IQCH: variants seen among roughly 807,000 people sequenced by gnomAD.
IQCH encodes IQ motif containing H.
Under a neutral mutation model 117.0 loss-of-function variants are expected in IQCH, and 98 were observed. That is an observed-to-expected ratio of 0.84 (90% CI 0.71 to 0.99). The LOEUF is 0.99. Ranked by LOEUF, IQCH falls within the 50% of genes least tolerant of loss-of-function variation. IQCH has a pLI of 0.00. For missense variants in IQCH, 1,102 were observed against 1,243.8 expected, an observed-to-expected ratio of 0.89 and a Z score of 1.72; for synonymous variants, 412 against 448.2, an observed-to-expected ratio of 0.92 and a Z score of 1.02.
intron 4 of IQCH, among the ~76,000 whole-genome samples, chr15:67,330,851 A>G (rs1317095418): frequency 6.6e-6 from 1 of 152,144 alleles, no homozygotes; most frequent in Non-Finnish European, 1.5e-5. Flanking sequence ...GCAAGCCCTG[A>G]TGGAGGATAT....
In IQCH at chr15:67,453,339, T is replaced by C. The variant is rs1481940177; in HGVS notation, c.2506-11788T>C. ...TTTCCAGTTTTTCTGCTCTGTTTTT[T>C]TCCCATCTTTGTGGTTTTATCTACC... On this transcript the variant is annotated intron_variant, in intron 16 of 20. Transcript: ENST00000335894. The surrounding 1 kb of genome is among the most constrained non-coding windows in gnomAD (Gnocchi z 5.8). Among the ~76,000 whole-genome samples, 2 of 152,144 alleles carry C rather than the reference T, an allele frequency of 1.3e-5. No individual in the cohort carries two copies. The highest frequency in any genetic ancestry group is 3.8e-4 in the East Asian group (2 of 5,198).
At chr15:67,338,215 C>G (rs1313790178) in intron 5 of IQCH, among the ~76,000 whole-genome samples, 1 of 130,176 alleles carries the variant, frequency 7.7e-6, no homozygotes, top group East Asian at 2.2e-4. Context: ...GTCTATCTAT[C>G]TATCTATCTA....
intron 7 of IQCH, among the ~76,000 whole-genome samples, chr15:67,358,866 C>A (rs1454016925): frequency 2.0e-5 from 3 of 152,240 alleles, no homozygotes; most frequent in Non-Finnish European, 4.4e-5. Flanking sequence ...GTAATATCAG[C>A]ACTGGTGGGC....
intron 4 of IQCH, among the ~76,000 whole-genome samples, chr15:67,336,678 TGTA>T (rs2140656785): frequency 6.6e-6 from 1 of 152,348 alleles, no homozygotes; most frequent in East Asian, 1.9e-4. Context: ...ATTTGTATAT[TGTA>T]GTCATTAAAA....
chr15:67,461,750 AGT>A (rs2082800310), intron 16 of IQCH, among the ~76,000 whole-genome samples: 1 of 152,190 alleles, frequency 6.6e-6, no homozygotes. Flanking sequence ...TTTTTATCTC[AGT>A]GTCTTCATCT....
intron 5 of IQCH, among the ~76,000 whole-genome samples, chr15:67,337,613 C>T (rs973640583): frequency 1.3e-5 from 2 of 152,110 alleles, no homozygotes; most frequent in East Asian, 3.9e-4. Flanking sequence ...CACCTAGAAC[C>T]ATATCCAGCA....
intron 4 of IQCH, among the ~76,000 whole-genome samples, chr15:67,284,327 A>G (rs1314746708): frequency 6.6e-6 from 1 of 152,176 alleles, no homozygotes; most frequent in African/African-American, 2.4e-5. Flanking sequence ...TATTTCACTT[A>G]ACATAATGAA....
chr15:67,352,185 T>C (rs1042003466), intron 6 of IQCH, among the ~76,000 whole-genome samples: 5 of 152,182 alleles, frequency 3.3e-5, no homozygotes, highest in African/African-American at 9.6e-5. Flanking sequence ...ATATTACTTA[T>C]CAAAGTCTAA....
At chr15:67,497,159 G>A in intron 20 of IQCH, among the ~76,000 whole-genome samples, 1 of 151,344 alleles carries the variant, frequency 6.6e-6, no homozygotes. Flanking sequence ...AACATAGGCA[G>A]ACCCTATCTA....
chr15:67,436,452 G>A lies in IQCH; in HGVS notation c.2505+14875G>A, dbSNP rs2082138826. 6.6e-6 allele frequency among the ~76,000 whole-genome samples: 1 copy of A among 152,196 alleles called. No individual in the cohort carries two copies. Among genetic ancestry groups the A allele is most frequent in the African/African-American group, 2.4e-5 (1 of 41,448 alleles). On this transcript the variant is annotated intron_variant, in intron 16 of 20. Coordinates refer to ENST00000335894, the MANE Select transcript of IQCH (RefSeq NM_001031715.3). The surrounding 1 kb of genome is among the most constrained non-coding windows in gnomAD (Gnocchi z 5.1). ...TCCCCTAGCAGCCCATTTCTGCCTG[G>A]CACCACAGGGATCCATCAGGACGGT...
At chr15:67,354,731 T>C (rs1567121284) in intron 6 of IQCH, among the ~76,000 whole-genome samples, 1 of 152,190 alleles carries the variant, frequency 6.6e-6, no homozygotes, top group Non-Finnish European at 1.5e-5. Context: ...AATGAAGAAT[T>C]TGTCTCGTAC....
rs1375532157 is a variant in IQCH, at chr15:67,385,594, A to G, written c.1456+575A>G. 2.0e-5 allele frequency among the ~76,000 whole-genome samples: 3 copies of G among 152,196 alleles called. No homozygotes were observed. Among genetic ancestry groups the G allele is most frequent in the Admixed American group, 6.5e-5 (1 of 15,276 alleles). On this transcript the variant is annotated intron_variant, in intron 11 of 20. Coordinates refer to ENST00000335894, the MANE Select transcript of IQCH (RefSeq NM_001031715.3). This position sits in a 1 kb window ranked among gnomAD's most constrained non-coding sequence, Gnocchi z 4.6. ...ATCTTTGTAAAAGTCAGGTTCTGAT[A>G]CTGGTTTGGTCAGTTCTTAATCAGA...
At position 67,443,335 on chromosome 15, in the gene IQCH, C is replaced by T. The variant is rs564178497; in HGVS notation, c.2505+21758C>T. ...GTGAAGTAACTCAGGAATGGAAAAC[C>T]GGACATCGTATGTTCTCACTGATAT... On this transcript the variant is annotated intron_variant, in intron 16 of 20. Coordinates refer to ENST00000335894, the MANE Select transcript of IQCH (RefSeq NM_001031715.3). This position sits in a 1 kb window ranked among gnomAD's most constrained non-coding sequence, Gnocchi z 5.0. 7.2e-5 allele frequency among the ~76,000 whole-genome samples: 11 copies of T among 152,204 alleles called. No homozygotes were observed. The South Asian group carries it at 8.3e-4, about 11-fold the overall frequency.
At chr15:67,495,158 T>C (rs1312541522) in intron 20 of IQCH, among the ~76,000 whole-genome samples, 1 of 152,194 alleles carries the variant, frequency 6.6e-6, no homozygotes, top group Non-Finnish European at 1.5e-5. Context: ...AAAAGCTTAA[T>C]AGAAATGTAA....
chr15:67,371,050 C>T (rs1970513258), intron 8 of IQCH, among the ~76,000 whole-genome samples: 1 of 152,018 alleles, frequency 6.6e-6, no homozygotes, highest in Non-Finnish European at 1.5e-5. Context: ...TGGGCTTATA[C>T]ATCTGAGAAC....
chr15:67,286,710 A>G (rs1966577864), intron 4 of IQCH, among the ~76,000 whole-genome samples: 1 of 152,048 alleles, frequency 6.6e-6, no homozygotes, highest in African/African-American at 2.4e-5. Context: ...CCCAGGTTCA[A>G]ATGGGAACCT....
At chr15:67,380,382 A>C (rs557120393) in intron 10 of IQCH, among the ~76,000 whole-genome samples, 2 of 152,296 alleles carry the variant, frequency 1.3e-5, no homozygotes, top group East Asian at 1.9e-4. Context: ...ATAGCCCCCC[A>C]AAAAACCAAC....
intron 4 of IQCH, among the ~76,000 whole-genome samples, chr15:67,321,089 A>C (rs1412294344): frequency 6.6e-6 from 1 of 152,142 alleles, no homozygotes; most frequent in East Asian, 1.9e-4. Context: ...TTTAATGGAA[A>C]ATTTTCTAGA....
intron 4 of IQCH, among the ~76,000 whole-genome samples, chr15:67,303,904 T>G (rs1243306260): frequency 6.6e-6 from 1 of 152,128 alleles, no homozygotes; most frequent in Non-Finnish European, 1.5e-5. Flanking sequence ...CAAACTGAGA[T>G]TTACCTGTAA....
Sources: allele counts gnomAD v4.1 joint callset (sites outside exome capture counted in the v4.1 genomes callset), GRCh38; gene constraint gnomAD v4.1.1; non-coding constraint Gnocchi (gnomAD v3.1); transcripts MANE v1.5; gene names NCBI Gene and HGNC (gene_info 2026-07-23, HGNC 2026-07-21).